The following EXOC6 variants were observed in gnomAD, a reference collection of about 807,000 sequenced individuals.
EXOC6 encodes the protein SEC15-like 1.
A neutral mutation model predicts 112.5 loss-of-function variants in EXOC6; 60 were observed. The observed-to-expected ratio is 0.53, with a 90% confidence interval of 0.43 to 0.66. The LOEUF (loss-of-function observed/expected upper bound fraction) is 0.66, where lower values mean the gene tolerates loss of function less well. Ranked by LOEUF, EXOC6 falls within the 30% of genes least tolerant of loss-of-function variation. The pLI is 0.00. For missense variants in EXOC6, 855 were observed against 957.1 expected (o/e 0.89, Z 1.41); for synonymous variants, 295 against 308.0 (o/e 0.96, Z 0.44).
chr10:93,005,634 A>G (rs1367015393), intron 19 of EXOC6, among the ~76,000 whole-genome samples: 1 of 152,202 alleles, frequency 6.6e-6, no homozygotes, highest in Non-Finnish European at 1.5e-5. Context: ...GACCTATTCT[A>G]TATTTGAAGT....
At chr10:92,968,884 A>G (rs1360965055) in intron 17 of EXOC6, among the ~76,000 whole-genome samples, 1 of 152,080 alleles carries the variant, frequency 6.6e-6, no homozygotes, top group Non-Finnish European at 1.5e-5. Flanking sequence ...TTTTCCCAAA[A>G]CCGTTTTGTT....
intron 1 of EXOC6, among the ~76,000 whole-genome samples, chr10:92,862,825 A>T (rs980591513): frequency 6.6e-6 from 1 of 152,230 alleles, no homozygotes; most frequent in Non-Finnish European, 1.5e-5. Context: ...ATATGCTGCT[A>T]TGAACATTCA....
At chr10:92,928,599 C>G (rs997195943) in intron 9 of EXOC6, among the ~76,000 whole-genome samples, 177 bp downstream of exon 9, 1 of 151,478 alleles carries the variant, frequency 6.6e-6, no homozygotes, top group Non-Finnish European at 1.5e-5. Flanking sequence ...ATAGATAAGT[C>G]CCTTTTCTCA....
chr10:92,997,476 GA>G lies in EXOC6; in HGVS notation c.1959del (p.Val654LeufsTer17). On this transcript the variant is annotated frameshift_variant, in exon 19 of 22. Coordinates refer to ENST00000260762, the MANE Select transcript of EXOC6 (RefSeq NM_019053.6). LOFTEE classifies it high-confidence loss of function. ...TTTGGTTTGATTGTTTTAAACAGGG[GA>G]AAGTTGCTCAGACAGCTTGCATGTC... ...IFQVFTHLPGKVAQTACMSAC... is the reference protein window; with the variant it reads ...IFQVFTHLPGXVAQTACMSAC... The G allele has an allele frequency of 6.2e-7, 1 of 1,606,382 alleles. No individual in the cohort carries two copies. The highest frequency in any genetic ancestry group is 8.5e-7 in the Non-Finnish European group (1 of 1,175,242).
intron 19 of EXOC6, among the ~76,000 whole-genome samples, chr10:93,013,332 G>C (rs575899690): frequency 4.6e-5 from 7 of 152,104 alleles, no homozygotes; most frequent in African/African-American, 1.4e-4. Flanking sequence ...CTGGCCGAGC[G>C]TGGTGGCTCA....
At chr10:92,988,725 C>T (rs1009541546) in intron 18 of EXOC6, among the ~76,000 whole-genome samples, 6 of 151,508 alleles carry the variant, frequency 4.0e-5, no homozygotes, top group Admixed American at 1.3e-4. Context: ...ATTGGGAGGC[C>T]GAGGCAGGTG....
chr10:93,013,327 C>A (rs779538576), intron 19 of EXOC6, among the ~76,000 whole-genome samples: 2 of 151,698 alleles, frequency 1.3e-5, no homozygotes, highest in Non-Finnish European at 2.9e-5. Context: ...AATCACTGGC[C>A]GAGCGTGGTG....
At chr10:92,907,997 C>G (rs1399169898) in intron 5 of EXOC6, among the ~76,000 whole-genome samples, 1 of 146,630 alleles carries the variant, frequency 6.8e-6, no homozygotes, top group Non-Finnish European at 1.5e-5. Flanking sequence ...ATACTCTTAT[C>G]TTTGAGAGTA....
At chr10:92,997,709 G>C in intron 19 of EXOC6, 94 bp downstream of exon 19, 2 of 1,145,556 alleles carry the variant, frequency 1.7e-6, no homozygotes, top group East Asian at 2.9e-5. Flanking sequence ...TCAGAAAGGA[G>C]GGAGAAGGCC....
intron 20 of EXOC6, among the ~76,000 whole-genome samples, chr10:93,051,662 A>G (rs1846295590): frequency 6.6e-6 from 1 of 152,190 alleles, no homozygotes; most frequent in Non-Finnish European, 1.5e-5. Context: ...TGACCTCACA[A>G]TATATTTTGT....
At chr10:92,957,637 C>G (rs544205890) in intron 17 of EXOC6, among the ~76,000 whole-genome samples, 1 of 152,178 alleles carries the variant, frequency 6.6e-6, no homozygotes, top group African/African-American at 2.4e-5. Flanking sequence ...TCAGTAAATG[C>G]TTTTCTGTTT....
At chr10:92,912,931 G>A (rs185050757) in intron 6 of EXOC6, among the ~76,000 whole-genome samples, 1 of 152,132 alleles carries the variant, frequency 6.6e-6, no homozygotes, top group Non-Finnish European at 1.5e-5. Context: ...CCAGAGCTAT[G>A]AACATCTGCT....
chr10:92,866,693 GA>G (rs1430528289), intron 1 of EXOC6, among the ~76,000 whole-genome samples: 1 of 151,620 alleles, frequency 6.6e-6, no homozygotes, highest in African/African-American at 2.4e-5. Flanking sequence ...ATGTGTTTAG[GA>G]AAAAAAATCT....
rs986861827 is a variant in EXOC6 at position 92,848,737 on chromosome 10, G to T, written c.101+103G>T. 32 of 950,048 alleles carry T rather than the reference G, an allele frequency of 3.4e-5. No homozygotes were observed. In the African/African-American group the frequency reaches 5.3e-4, roughly 16 times the overall value. 58.9% of individuals were successfully genotyped at this position (950,048 alleles called of 1,614,324 possible). ...CCGCCGGCCGCGCGCGAAGCTCCCC[G>T]ACAGGTGGTGCGCGCGGGGGCGGGC... On this transcript the variant is annotated intron_variant, in intron 1 of 21. Transcript: ENST00000260762.
intron 1 of EXOC6, among the ~76,000 whole-genome samples, chr10:92,857,930 TTGTC>T (rs1194071877): frequency 4.6e-5 from 7 of 152,004 alleles, no homozygotes; most frequent in East Asian, 1.9e-4. Flanking sequence ...TTGTTGTTGT[TTGTC>T]TGTTTTTTTA....
intron 17 of EXOC6, among the ~76,000 whole-genome samples, chr10:92,972,945 A>T (rs923014655): frequency 6.6e-6 from 1 of 152,192 alleles, no homozygotes; most frequent in Non-Finnish European, 1.5e-5. Context: ...AGCTTTTCAG[A>T]GTCATCTGTG....
chr10:92,963,763 G>C (rs959734935), intron 17 of EXOC6, among the ~76,000 whole-genome samples: 20 of 152,120 alleles, frequency 1.3e-4, no homozygotes, highest in African/African-American at 4.6e-4. Flanking sequence ...AAAGTGTTGG[G>C]ATTATAGGCG....
intron 17 of EXOC6, among the ~76,000 whole-genome samples, chr10:92,962,612 C>G (rs910686075): frequency 6.6e-6 from 1 of 152,054 alleles, no homozygotes; most frequent in African/African-American, 2.4e-5. Flanking sequence ...AGGCTGGTCT[C>G]GAACTCCTGG....
intron 1 of EXOC6, among the ~76,000 whole-genome samples, chr10:92,863,641 G>A (rs894711276): frequency 2.0e-5 from 3 of 151,934 alleles, no homozygotes; most frequent in African/African-American, 7.3e-5. Context: ...AGTCCGGTGC[G>A]GTGGCTCACG....
Sources: gnomAD v4.1 joint callset for allele counts (sites outside exome capture counted in the v4.1 genomes callset) on GRCh38, gnomAD v4.1.1 for gene constraint, MANE v1.5 for transcripts, NCBI Gene and HGNC (gene_info 2026-07-23, HGNC 2026-07-21) for gene names.